The following MAP3K13 variants were observed in gnomAD, a reference collection of about 807,000 sequenced individuals.
MAP3K13 encodes the protein leucine zipper-bearing kinase.
A neutral mutation model predicts 104.0 loss-of-function variants in MAP3K13; 52 were observed. The ratio of observed to expected loss-of-function variants is 0.50; its 90% CI spans 0.40 to 0.63. The LOEUF (loss-of-function observed/expected upper bound fraction) is 0.63, where lower values mean the gene tolerates loss of function less well. MAP3K13 is among the 20% of genes least tolerant of loss of function. The pLI is 0.00. For synonymous variants in MAP3K13, 394 were observed against 442.2 expected, an observed-to-expected ratio of 0.89 and a Z score of 1.37; for missense variants, 914 against 1,218.5, an observed-to-expected ratio of 0.75 and a Z score of 3.72.
rs183872993 is a variant in MAP3K13 at position 185,473,788 on chromosome 3, G to A, written c.2430+27G>A. 2.5e-6 allele frequency: 4 copies of A among 1,586,250 alleles called. No individual in the cohort carries two copies. The South Asian group carries it at 3.4e-5, about 14-fold the overall frequency. On this transcript the variant is annotated intron_variant, in intron 11 of 13. Transcript: ENST00000265026. This position sits in a 1 kb window ranked among gnomAD's most constrained non-coding sequence, Gnocchi z 4.9. ...TAAAGTGTAATGATGAGAGTGGCCT[G>A]CGTCACTGCCTTCAAAGAATGCCAG...
At chr3:185,401,497 T>G (rs1229418573) in intron 1 of MAP3K13, among the ~76,000 whole-genome samples, 2 of 152,184 alleles carry the variant, frequency 1.3e-5, no homozygotes, top group African/African-American at 4.8e-5. Flanking sequence ...GGGAGCTTCA[T>G]GGATCAGCCC....
At chr3:185,439,031 T>C (rs541749017) in intron 3 of MAP3K13, among the ~76,000 whole-genome samples, 43 of 152,242 alleles carry the variant, frequency 2.8e-4, no homozygotes, top group African/African-American at 8.7e-4. Context: ...AAAAATGTCA[T>C]GTGATAAGTC....
intron 2 of MAP3K13, among the ~76,000 whole-genome samples, chr3:185,324,177 AT>A (rs1224721590): frequency 2.6e-5 from 4 of 151,074 alleles, no homozygotes; most frequent in East Asian, 1.9e-4. Context: ...CGCCCGGCTA[AT>A]TTTTTTTTAT....
chr3:185,347,459 C>T (rs1331085344), intron 2 of MAP3K13, among the ~76,000 whole-genome samples: 2 of 152,114 alleles, frequency 1.3e-5, no homozygotes, highest in East Asian at 3.9e-4. Context: ...CATTCAGAGG[C>T]CTGGAATAAT....
chr3:185,391,920 G>A (rs1425811174), intron 1 of MAP3K13, among the ~76,000 whole-genome samples: 3 of 152,116 alleles, frequency 2.0e-5, no homozygotes, highest in Non-Finnish European at 4.4e-5. Flanking sequence ...TTTGGGGTGC[G>A]GGTGGGGGAG....
At position 185,420,276 on chromosome 3, in the gene MAP3K13, G is replaced by T. The variant is rs140962633; in HGVS notation, c.-85-8221G>T. 2.1e-3 allele frequency among the ~76,000 whole-genome samples: 321 copies of T among 152,270 alleles called. 1 individual carries two copies. The highest frequency in any genetic ancestry group is 6.9e-3 in the African/African-American group (288 of 41,540). On this transcript the variant is annotated intron_variant, in intron 1 of 13. Transcript: ENST00000265026. ...AGAGAGTAAGTAGGGATAAAGGCAC[G>T]ATTGTAGGCCATTCTTTTTACCTGA...
At chr3:185,414,790 A>G (rs2108789318) in intron 1 of MAP3K13, among the ~76,000 whole-genome samples, 1 of 152,342 alleles carries the variant, frequency 6.6e-6, no homozygotes, top group Non-Finnish European at 1.5e-5. Flanking sequence ...TAATATCTCT[A>G]GTTATATTTT....
In MAP3K13 at chr3:185,473,698, CCTCGGCACCTCTCAT is replaced by C. The variant is rs1377563143; in HGVS notation, c.2377_2391del (p.Ser793_Thr797del). 1.2e-6 allele frequency: 2 copies of C among 1,614,088 alleles called. No individual in the cohort carries two copies. The highest frequency in any genetic ancestry group is 1.7e-6 in the Non-Finnish European group (2 of 1,180,024). ...TCAGCGGCTGTAGGTCTGAGTCATC[CCTCGGCACCTCTCAT>C]CTCGGCACCCCTCCAGCGCTACCTC... On this transcript the variant is annotated inframe_deletion, in exon 11 of 14. Coordinates refer to ENST00000265026, the MANE Select transcript of MAP3K13 (RefSeq NM_004721.5). The surrounding 1 kb of genome is among the most constrained non-coding windows in gnomAD (Gnocchi z 4.9).
intron 2 of MAP3K13, among the ~76,000 whole-genome samples, chr3:185,297,478 T>C (rs931387810): frequency 6.6e-6 from 1 of 152,192 alleles, no homozygotes; most frequent in Non-Finnish European, 1.5e-5. Context: ...CTCACACCTG[T>C]AATCCCAGCA....
At chr3:185,411,067 G>A (rs572927236) in intron 1 of MAP3K13, among the ~76,000 whole-genome samples, 3 of 152,098 alleles carry the variant, frequency 2.0e-5, no homozygotes, top group African/African-American at 7.2e-5. Flanking sequence ...CCCCTTCAAA[G>A]CTATCATCGG....
intron 2 of MAP3K13, among the ~76,000 whole-genome samples, chr3:185,317,322 T>C (rs1206282245): frequency 6.6e-6 from 1 of 152,196 alleles, no homozygotes; most frequent in African/African-American, 2.4e-5. Context: ...TTGTTTCTGC[T>C]CTAAATTGTC....
chr3:185,455,462 T>C (rs1435568940), intron 7 of MAP3K13, among the ~76,000 whole-genome samples: 1 of 119,852 alleles, frequency 8.3e-6, no homozygotes, highest in African/African-American at 3.1e-5. Context: ...ATATCATATA[T>C]ATGAGATATA....
rs571478772 is a variant in MAP3K13, at chr3:185,482,356, A to G, written c.2801A>G (p.Asn934Ser). 10 of 1,611,804 alleles carry G rather than the reference A, an allele frequency of 6.2e-6. No individual in the cohort carries two copies. The South Asian group carries it at 1.1e-4, about 18-fold the overall frequency. ...TAAGGTTTTGTCTTGCCTTTGCAGA[A>G]CCCCATGCAGTTTGAAGAATCGGAC... Reference protein sequence around the residue: ...KLCVEERGYENPMQFEESDCD... With the variant: ...KLCVEERGYESPMQFEESDCD... The change falls in exon 14 of 14, where the codon AAC (asparagine) becomes AGC (serine). Residue 934 changes from asparagine (N) to serine (S), a missense_variant and splice_region_variant. Physicochemically the swap from Asn to Ser is conservative, Grantham distance 46. This residue lies in a region of MAP3K13 where 583 missense variants were observed against 737.4 expected (regional missense o/e 0.79). Transcript: ENST00000265026. This position sits in a 1 kb window ranked among gnomAD's most constrained non-coding sequence, Gnocchi z 4.5.
chr3:185,459,916 C>G (rs937721624), intron 7 of MAP3K13, among the ~76,000 whole-genome samples: 5 of 152,136 alleles, frequency 3.3e-5, no homozygotes, highest in African/African-American at 1.2e-4. Context: ...TACTTTCTGT[C>G]TCTATGAATT....
At chr3:185,294,532 A>G (rs575742525) in intron 2 of MAP3K13, among the ~76,000 whole-genome samples, 5 of 152,382 alleles carry the variant, frequency 3.3e-5, no homozygotes, top group Non-Finnish European at 5.9e-5. Flanking sequence ...TGTATAATGT[A>G]GAATCCAACT....
intron 5 of MAP3K13, chr3:185,448,257 T>A: frequency 2.5e-6 from 1 of 403,492 alleles, no homozygotes; most frequent in Non-Finnish European, 4.7e-6. Context: ...CTTTCTGAAA[T>A]GTGTTACATA....
At chr3:185,283,641 T>C (rs187743649) in intron 1 of MAP3K13, among the ~76,000 whole-genome samples, 21 of 152,218 alleles carry the variant, frequency 1.4e-4, no homozygotes, top group African/African-American at 5.1e-4. Context: ...CCCAGTACAT[T>C]GTTGGTTTTT....
At chr3:185,358,115 G>C (rs1723443166) in intron 2 of MAP3K13, among the ~76,000 whole-genome samples, 2 of 152,122 alleles carry the variant, frequency 1.3e-5, no homozygotes, top group African/African-American at 2.4e-5. Flanking sequence ...GTTAACCATA[G>C]AGTAATCCAA....
intron 2 of MAP3K13, chr3:185,285,667 G>T: frequency 6.5e-7 from 1 of 1,529,996 alleles, no homozygotes; most frequent in Non-Finnish European, 8.8e-7. Flanking sequence ...TGTGTTTTAT[G>T]TTTGGTGAGA....
Sources: allele counts gnomAD v4.1 joint callset (sites outside exome capture counted in the v4.1 genomes callset), GRCh38; gene constraint gnomAD v4.1.1; regional missense constraint gnomAD v4.1.1; non-coding constraint Gnocchi (gnomAD v3.1); transcripts MANE v1.5; gene names NCBI Gene and HGNC (gene_info 2026-07-23, HGNC 2026-07-21).